Variants in OXT observed in about 807,000 individuals in gnomAD.
OXT encodes oxytocin-neurophysin 1 proprotein.
Under a neutral mutation model 11.2 loss-of-function variants are expected in OXT, and 9 were observed. That is an observed-to-expected ratio of 0.80 (90% confidence interval 0.49 to 1.40). The LOEUF (loss-of-function observed/expected upper bound fraction) is 1.40. OXT is among the 40% of genes most tolerant of loss of function. OXT has a pLI of 0.00. For synonymous variants in OXT, 76 were observed against 80.9 expected (o/e 0.94, Z 0.33); for missense variants, 175 against 178.7 (o/e 0.98, Z 0.12).
At position 3,071,932 on chromosome 20, in the gene OXT, C is replaced by T. The variant is rs1600324779; in HGVS notation, c.121-145C>T. Reference sequence around the variant, plus strand: ...GGTCGAGGCCCCCACGGCGCCCCAGCGCGTCTCAGCCCCGCTGTCCCGCCC... The same window carrying T: ...GGTCGAGGCCCCCACGGCGCCCCAGTGCGTCTCAGCCCCGCTGTCCCGCCC... On this transcript the variant is annotated intron_variant, in intron 1 of 2. Transcript: ENST00000217386. This position sits in a 1 kb window ranked among gnomAD's most constrained non-coding sequence, Gnocchi z 4.8. The T allele has an allele frequency of 3.0e-6, 4 of 1,343,812 alleles. No homozygotes were observed. The highest frequency in any genetic ancestry group is 3.2e-5 in the South Asian group (2 of 63,148). The allele number at this position is 1,343,812 out of a possible 1,614,324, so 83.2% of individuals were successfully genotyped here.
rs2066079910 is a variant in OXT, at chr20:3,072,296, C to T, written c.322+18C>T. ...CAGCCCGGGTGAGCGGGGCAAGGCG[C>T]TCCGGGGCCAGGGGGAGGCGGGCGG... On this transcript the variant is annotated intron_variant, in intron 2 of 2. Coordinates refer to ENST00000217386, the MANE Select transcript of OXT (RefSeq NM_000915.4). 6.3e-7 allele frequency: 1 copy of T among 1,594,120 alleles called. No homozygotes were observed. Among genetic ancestry groups the T allele is most frequent in the Non-Finnish European group, 8.5e-7 (1 of 1,176,306 alleles).
chr20:3,071,689 G>A lies in OXT; in HGVS notation c.34G>A (p.Gly12Ser). The change falls in exon 1 of 3, where the codon GGC becomes AGC. Residue 12 changes from glycine (G) to serine (S), a missense_variant. Transcript: ENST00000217386. This position sits in a 1 kb window ranked among gnomAD's most constrained non-coding sequence, Gnocchi z 4.8. The stretch of plus-strand genomic sequence containing the variant: ...CCCCAGCCTCGCTTGCTGTCTGCTC[G>A]GCCTCCTGGCGCTGACCTCCGCCTG... The part of the protein sequence containing the change: ...AGPSLACCLL[G>S]LLALTSACYI... The A allele has an allele frequency of 6.3e-7, 1 of 1,596,022 alleles. No homozygotes were observed.
At position 3,071,997 on chromosome 20, in the gene OXT, AC is replaced by A; in HGVS notation, c.121-76del. ...GGACCCCAGCATCCTTGCCCGGCGC[AC>A]CCCGGCCGGCCTCGCAGGGTCCTCC... On this transcript the variant is annotated intron_variant, in intron 1 of 2. Coordinates refer to ENST00000217386, the MANE Select transcript of OXT (RefSeq NM_000915.4). This position sits in a 1 kb window ranked among gnomAD's most constrained non-coding sequence, Gnocchi z 4.8. 1 of 1,388,174 alleles carries A rather than the reference AC, an allele frequency of 7.2e-7. No homozygotes were observed. Among genetic ancestry groups the A allele is most frequent in the Non-Finnish European group, 9.3e-7 (1 of 1,075,874 alleles). The allele number at this position is 1,388,174 out of a possible 1,614,324, so 86.0% of individuals were successfully genotyped here. A position where few individuals can be genotyped will look rare whatever the true frequency, so the allele number is the denominator to read the frequency against.
Position 3,071,757 on chromosome 20 carries a change from G to A in OXT, c.102G>A (p.Pro34=), listed in dbSNP as rs768181518. 3.8e-6 allele frequency: 6 copies of A among 1,577,434 alleles called. No individual in the cohort carries two copies. Among genetic ancestry groups the A allele is most frequent in the Non-Finnish European group, 4.3e-6 (5 of 1,166,956 alleles). Residue 34 remains proline (P), a synonymous_variant, in exon 1 of 3, where the codon CCG becomes CCA. Coordinates refer to ENST00000217386, the MANE Select transcript of OXT (RefSeq NM_000915.4). The surrounding 1 kb of genome is among the most constrained non-coding windows in gnomAD (Gnocchi z 4.8). ...NCPLGGKRAA[P]DLDVRKCLPC... ...CCCTGGGAGGCAAGAGGGCCGCGCC[G>A]GACCTCGACGTGCGCAAGGTGAGTC... is the stretch of plus-strand genomic sequence containing the variant.
intron 2 of OXT, 31 bp from the exon 3 acceptor site, chr20:3,072,332 G>C (rs775999284): frequency 1.2e-6 from 2 of 1,604,492 alleles, no homozygotes; most frequent in Admixed American, 3.3e-5. Flanking sequence ...GGGTGCGGCC[G>C]GGATTCCCCT....
chr20:3,071,797 C>A lies in OXT; in HGVS notation c.120+22C>A. ...CAAGGTGAGTCCCCAGCCCTGGTCC[C>A]GCGGCGCTCCGGGGAGGGAGGGACC... is the stretch of plus-strand genomic sequence containing the variant. On this transcript the variant is annotated intron_variant, in intron 1 of 2. Transcript: ENST00000217386. The surrounding 1 kb of genome is among the most constrained non-coding windows in gnomAD (Gnocchi z 4.8). The A allele has an allele frequency of 6.5e-7, 1 of 1,548,262 alleles. No homozygotes were observed.
chr20:3,071,817 G>A lies in OXT; in HGVS notation c.120+42G>A. The A allele has an allele frequency of 1.3e-6, 2 of 1,533,924 alleles. No homozygotes were observed. The highest frequency in any genetic ancestry group is 8.7e-7 in the Non-Finnish European group (1 of 1,146,604). The stretch of plus-strand genomic sequence containing the variant: ...GGTCCCGCGGCGCTCCGGGGAGGGA[G>A]GGACCCGCAGCCACAGGGGCGCGCC... On this transcript the variant is annotated intron_variant, in intron 1 of 2. Coordinates refer to ENST00000217386, the MANE Select transcript of OXT (RefSeq NM_000915.4). This position sits in a 1 kb window ranked among gnomAD's most constrained non-coding sequence, Gnocchi z 4.8.
In OXT at chr20:3,071,851, G is replaced by A. The variant is rs1190718467; in HGVS notation, c.120+76G>A. 5 of 1,493,054 alleles carry A rather than the reference G, an allele frequency of 3.3e-6. No individual in the cohort carries two copies. Among genetic ancestry groups the A allele is most frequent in the African/African-American group, 1.4e-5 (1 of 70,980 alleles). 92.5% of individuals were successfully genotyped at this position (1,493,054 alleles called of 1,614,324 possible). On this transcript the variant is annotated intron_variant, in intron 1 of 2. Transcript: ENST00000217386. This position sits in a 1 kb window ranked among gnomAD's most constrained non-coding sequence, Gnocchi z 4.8. ...AGCCACAGGGGCGCGCCCCGCTCCG[G>A]CCTCGCCTGAGAACTCCAGGAGCTG...
At chr20:3,072,023 C>T (rs2066077829) in intron 1 of OXT, 54 bp from the exon 2 acceptor site, 10 of 1,447,448 alleles carry the variant, frequency 6.9e-6, no homozygotes, top group East Asian at 5.6e-5. Flanking sequence ...CAGGGTCCTC[C>T]GAGCGAGTCC....
At position 3,071,925 on chromosome 20, in the gene OXT, G is replaced by A. The variant is rs1165105578; in HGVS notation, c.120+150G>A. On this transcript the variant is annotated intron_variant, in intron 1 of 2. Transcript: ENST00000217386. The surrounding 1 kb of genome is among the most constrained non-coding windows in gnomAD (Gnocchi z 4.8). ...TGACCGCGGTCGAGGCCCCCACGGC[G>A]CCCCAGCGCGTCTCAGCCCCGCTGT... The A allele has an allele frequency of 1.2e-5, 16 of 1,344,742 alleles. No individual in the cohort carries two copies. Among genetic ancestry groups the A allele is most frequent in the Non-Finnish European group, 1.6e-5 (16 of 1,030,428 alleles). 83.3% of individuals were successfully genotyped at this position (1,344,742 alleles called of 1,614,324 possible).
chr20:3,071,838 G>C lies in OXT; in HGVS notation c.120+63G>C. The C allele has an allele frequency of 6.6e-7, 1 of 1,510,198 alleles. No homozygotes were observed. The highest frequency in any genetic ancestry group is 8.8e-7 in the Non-Finnish European group (1 of 1,135,272). 93.5% of individuals were successfully genotyped at this position (1,510,198 alleles called of 1,614,324 possible). ...GGGAGGGACCCGCAGCCACAGGGGC[G>C]CGCCCCGCTCCGGCCTCGCCTGAGA... On this transcript the variant is annotated intron_variant, in intron 1 of 2. Coordinates refer to ENST00000217386, the MANE Select transcript of OXT (RefSeq NM_000915.4). This position sits in a 1 kb window ranked among gnomAD's most constrained non-coding sequence, Gnocchi z 4.8.
chr20:3,071,774 A>C lies in OXT; in HGVS notation c.119A>C (p.Lys40Thr), dbSNP rs2066076311. 6.4e-7 allele frequency: 1 copy of C among 1,570,612 alleles called. No individual in the cohort carries two copies. The highest frequency in any genetic ancestry group is 8.6e-7 in the Non-Finnish European group (1 of 1,163,926). The change falls in exon 1 of 3, where the codon AAG becomes ACG. Residue 40 changes from lysine (K) to threonine (T), a missense_variant and splice_region_variant. By Grantham distance (78) the Lys-to-Thr change is moderately conservative. Coordinates refer to ENST00000217386, the MANE Select transcript of OXT (RefSeq NM_000915.4). This position sits in a 1 kb window ranked among gnomAD's most constrained non-coding sequence, Gnocchi z 4.8. ...GCCGCGCCGGACCTCGACGTGCGCAAGGTGAGTCCCCAGCCCTGGTCCCGC... is the reference window on the plus strand; with the variant it reads ...GCCGCGCCGGACCTCGACGTGCGCACGGTGAGTCCCCAGCCCTGGTCCCGC... ...KRAAPDLDVR[K>T]CLPCGPGGKG...
chr20:3,072,155 G>A lies in OXT; in HGVS notation c.199G>A (p.Val67Met). The change falls in exon 2 of 3, where the codon GTG becomes ATG. Residue 67 changes from valine to methionine, a missense_variant. Transcript: ENST00000217386. The stretch of plus-strand genomic sequence containing the variant: ...CTGCGCGGAAGAGCTGGGCTGCTTC[G>A]TGGGCACCGCCGAAGCGCTGCGCTG... ...ICCAEELGCFVGTAEALRCQE... is the reference protein window; with the variant it reads ...ICCAEELGCFMGTAEALRCQE... 6.3e-6 allele frequency: 10 copies of A among 1,592,602 alleles called. No individual in the cohort carries two copies. The highest frequency in any genetic ancestry group is 8.5e-6 in the Non-Finnish European group (10 of 1,176,102).
At position 3,072,311 on chromosome 20, in the gene OXT, G is replaced by T. The variant is rs772188179; in HGVS notation, c.322+33G>T. 35 of 1,600,450 alleles carry T rather than the reference G, an allele frequency of 2.2e-5. 1 individual carries two copies. The Admixed American group carries it at 4.2e-4, about 19-fold the overall frequency. On this transcript the variant is annotated intron_variant, in intron 2 of 2. Coordinates refer to ENST00000217386, the MANE Select transcript of OXT (RefSeq NM_000915.4). ...GGGCAAGGCGCTCCGGGGCCAGGGGGAGGCGGGCGGGGGTGCGGCCGGGAT... is the reference window on the plus strand; with the variant it reads ...GGGCAAGGCGCTCCGGGGCCAGGGGTAGGCGGGCGGGGGTGCGGCCGGGAT...
Position 3,071,649 on chromosome 20 carries a change from C to T in OXT, c.-7C>T, listed in dbSNP as rs1377059979. ...GTCACGGACCCTGGACCCAGCGCACCCGCACCATGGCCGGCCCCAGCCTCG... is the reference window on the plus strand; with the variant it reads ...GTCACGGACCCTGGACCCAGCGCACTCGCACCATGGCCGGCCCCAGCCTCG... On this transcript the variant is annotated 5_prime_UTR_variant, in exon 1 of 3. Coordinates refer to ENST00000217386, the MANE Select transcript of OXT (RefSeq NM_000915.4). The surrounding 1 kb of genome is among the most constrained non-coding windows in gnomAD (Gnocchi z 4.8). 6.9e-6 allele frequency: 11 copies of T among 1,602,864 alleles called. No individual in the cohort carries two copies. The highest frequency in any genetic ancestry group is 1.1e-5 in the South Asian group (1 of 90,226).
Position 3,072,261 on chromosome 20 carries a change from GC to G in OXT, c.307del (p.Leu103SerfsTer26). 6.3e-7 allele frequency: 1 copy of G among 1,595,736 alleles called. No homozygotes were observed. The highest frequency in any genetic ancestry group is 8.5e-7 in the Non-Finnish European group (1 of 1,177,240). The stretch of plus-strand genomic sequence containing the variant: ...AGCGGGGGCCGCTGCGCGGTCTTGG[GC>G]CTCTGCTGCAGCCCGGGTGAGCGGG... ...CGSGGRCAVL[G>X]LCCSPDGCHA... On this transcript the variant is annotated frameshift_variant, in exon 2 of 3. Transcript: ENST00000217386. LOFTEE classifies it high-confidence loss of function.
chr20:3,071,844 C>A lies in OXT; in HGVS notation c.120+69C>A. The A allele has an allele frequency of 6.7e-7, 1 of 1,502,532 alleles. No individual in the cohort carries two copies. The highest frequency in any genetic ancestry group is 8.8e-7 in the Non-Finnish European group (1 of 1,131,698). The allele number at this position is 1,502,532 out of a possible 1,614,324, so 93.1% of individuals were successfully genotyped here. A position where few individuals can be genotyped will look rare whatever the true frequency, so the allele number is the denominator to read the frequency against. Reference sequence around the variant, plus strand: ...GACCCGCAGCCACAGGGGCGCGCCCCGCTCCGGCCTCGCCTGAGAACTCCA... The same window carrying A: ...GACCCGCAGCCACAGGGGCGCGCCCAGCTCCGGCCTCGCCTGAGAACTCCA... On this transcript the variant is annotated intron_variant, in intron 1 of 2. Coordinates refer to ENST00000217386, the MANE Select transcript of OXT (RefSeq NM_000915.4). This position sits in a 1 kb window ranked among gnomAD's most constrained non-coding sequence, Gnocchi z 4.8.
At position 3,071,718 on chromosome 20, in the gene OXT, C is replaced by T. The variant is rs751849789; in HGVS notation, c.63C>T (p.Tyr21=). Residue 21 remains tyrosine, a synonymous_variant, in exon 1 of 3, where the codon TAC becomes TAT. Transcript: ENST00000217386. This position sits in a 1 kb window ranked among gnomAD's most constrained non-coding sequence, Gnocchi z 4.8. ...LGLLALTSAC[Y]IQNCPLGGKR... Reference sequence around the variant, plus strand: ...TCCTGGCGCTGACCTCCGCCTGCTACATCCAGAACTGCCCCCTGGGAGGCA... The same window carrying T: ...TCCTGGCGCTGACCTCCGCCTGCTATATCCAGAACTGCCCCCTGGGAGGCA... 6.3e-7 allele frequency: 1 copy of T among 1,590,744 alleles called. No homozygotes were observed. The highest frequency in any genetic ancestry group is 1.1e-5 in the South Asian group (1 of 88,062).
Position 3,071,992 on chromosome 20 carries a change from G to A in OXT, c.121-85G>A, listed in dbSNP as rs1441402887. 6.8e-5 allele frequency: 94 copies of A among 1,379,876 alleles called. No homozygotes were observed. The highest frequency in any genetic ancestry group is 8.4e-5 in the Non-Finnish European group (90 of 1,069,260). The allele number at this position is 1,379,876 out of a possible 1,614,324, so 85.5% of individuals were successfully genotyped here. A position where few individuals can be genotyped will look rare whatever the true frequency, so the allele number is the denominator to read the frequency against. ...ACCCCGGACCCCAGCATCCTTGCCC[G>A]GCGCACCCCGGCCGGCCTCGCAGGG... On this transcript the variant is annotated intron_variant, in intron 1 of 2. Transcript: ENST00000217386. The surrounding 1 kb of genome is among the most constrained non-coding windows in gnomAD (Gnocchi z 4.8).
Sources: gnomAD v4.1 joint callset for allele counts on GRCh38, gnomAD v4.1.1 for gene constraint, Gnocchi (gnomAD v3.1) non-coding constraint, MANE v1.5 for transcripts, NCBI Gene and HGNC (gene_info 2026-07-23, HGNC 2026-07-21) for gene names.